The following ANLN variants were observed in gnomAD, a reference collection of about 807,000 sequenced individuals.
ANLN encodes anillin.
ANLN carries 59 observed loss-of-function variants against 135.1 expected under a neutral mutation model. The ratio of observed to expected loss-of-function variants is 0.44; its 90% CI spans 0.35 to 0.54. ANLN has a LOEUF of 0.54. ANLN is among the 20% of genes least tolerant of loss of function. The probability of loss-of-function intolerance (pLI) is 0.00; values close to 1 mark genes in which losing one functional copy is unlikely to be tolerated. For synonymous variants in ANLN, 406 were observed against 456.4 expected (o/e 0.89, Z 1.41); for missense variants, 1,182 against 1,340.0 (o/e 0.88, Z 1.84).
chr7:36,437,007 T>C (rs1433372993), intron 20 of ANLN, among the ~76,000 whole-genome samples: 1 of 152,202 alleles, frequency 6.6e-6, no homozygotes, highest in Non-Finnish European at 1.5e-5. Context: ...TAATACATGG[T>C]ATTTATCTTT....
intron 23 of ANLN, 72 bp from the exon 24 acceptor site, chr7:36,452,405 C>G (rs1008362891): frequency 1.3e-6 from 2 of 1,569,716 alleles, no homozygotes; most frequent in South Asian, 2.3e-5. Flanking sequence ...ATTTTTTTCC[C>G]TAGCAAGAGT....
intron 17 of ANLN, among the ~76,000 whole-genome samples, 174 bp downstream of exon 17, chr7:36,424,916 T>C (rs981806640): frequency 6.6e-6 from 1 of 152,192 alleles, no homozygotes; most frequent in Non-Finnish European, 1.5e-5. Context: ...AAACTGTGAG[T>C]GATCATGATT....
At chr7:36,423,586 A>G (rs986630956) in intron 14 of ANLN, among the ~76,000 whole-genome samples, 2 of 152,132 alleles carry the variant, frequency 1.3e-5, no homozygotes, top group African/African-American at 4.8e-5. Flanking sequence ...GAGTGAAATT[A>G]TTTCAATTTA....
In ANLN at chr7:36,451,059, G is replaced by A. The variant is rs1163100618; in HGVS notation, c.3251+1222G>A. Among the ~76,000 whole-genome samples, 5 of 152,268 alleles carry A rather than the reference G, an allele frequency of 3.3e-5. No individual in the cohort carries two copies. The East Asian group carries it at 9.6e-4, about 29-fold the overall frequency. On this transcript the variant is annotated intron_variant, in intron 23 of 23. Coordinates refer to ENST00000265748, the MANE Select transcript of ANLN (RefSeq NM_018685.5). ...CCCTTCGCCCAAGCATATGAGAGTAGTACATTCTCAATTCAGTCTTGGCTG... is the reference window on the plus strand; with the variant it reads ...CCCTTCGCCCAAGCATATGAGAGTAATACATTCTCAATTCAGTCTTGGCTG...
Position 36,396,113 on chromosome 7 carries a change from T to C in ANLN, c.19-153T>C, listed in dbSNP as rs79086052. ...AATAGTTATGACATTGGGGTACTCA[T>C]TTAGTGAATCTTGACATAATTGCTT... is the stretch of plus-strand genomic sequence containing the variant. On this transcript the variant is annotated intron_variant, in intron 1 of 23. Coordinates refer to ENST00000265748, the MANE Select transcript of ANLN (RefSeq NM_018685.5). Among the ~76,000 whole-genome samples the C allele has an allele frequency of 8.7e-3, 1,332 of 152,344 alleles. 21 individuals are homozygous for C. The highest frequency in any genetic ancestry group is 0.03 in the African/African-American group (1,237 of 41,576).
At chr7:36,415,423 T>C (rs1787599001) in intron 7 of ANLN, among the ~76,000 whole-genome samples, 1 of 152,046 alleles carries the variant, frequency 6.6e-6, no homozygotes, top group Non-Finnish European at 1.5e-5. Flanking sequence ...TTATTTTATT[T>C]TATTTTATTC....
chr7:36,417,430 G>A (rs370327673), intron 9 of ANLN, among the ~76,000 whole-genome samples: 7 of 152,198 alleles, frequency 4.6e-5, no homozygotes, highest in East Asian at 1.9e-4. Context: ...GCCCTCCCAC[G>A]CTCTGTACTG....
chr7:36,449,691 T>G lies in ANLN; in HGVS notation c.3105T>G (p.Ala1035=). Residue 1035 remains alanine (A), a synonymous_variant, in exon 23 of 24, where the codon GCT becomes GCG. Coordinates refer to ENST00000265748, the MANE Select transcript of ANLN (RefSeq NM_018685.5). The part of the protein sequence containing the change: ...RKNPIGRINL[A]NCTSRQIEPA... ...ATCCCATAGGAAGGATAAATCTGGC[T>G]AATTGTACCAGTCGTCAGATAGAAC... The G allele has an allele frequency of 6.2e-7, 1 of 1,613,636 alleles. No homozygotes were observed. Among genetic ancestry groups the G allele is most frequent in the Non-Finnish European group, 8.5e-7 (1 of 1,179,760 alleles).
intron 22 of ANLN, among the ~76,000 whole-genome samples, 153 bp downstream of exon 22, chr7:36,444,015 C>G (rs550689009): frequency 1.2e-4 from 19 of 152,314 alleles, no homozygotes; most frequent in Middle Eastern, 3.4e-3. Flanking sequence ...GTTGGCCAGG[C>G]GCAGTGGCTT....
chr7:36,444,061 G>A (rs1031899450), intron 22 of ANLN, among the ~76,000 whole-genome samples, 199 bp downstream of exon 22: 6 of 152,286 alleles, frequency 3.9e-5, no homozygotes, highest in South Asian at 4.1e-4. Flanking sequence ...AGGCCAAGGC[G>A]GGCAGATCAC....
chr7:36,398,927 G>A, intron 2 of ANLN, 152 bp from the exon 3 acceptor site: 2 of 609,762 alleles, frequency 3.3e-6, no homozygotes, highest in Non-Finnish European at 5.8e-6. Flanking sequence ...TGCTGAAAGA[G>A]AATGGGGTTT....
At chr7:36,424,002 A>T in intron 15 of ANLN, 59 bp downstream of exon 15, 1 of 1,514,634 alleles carries the variant, frequency 6.6e-7, no homozygotes, top group South Asian at 1.3e-5. Context: ...GAGTTGATAC[A>T]GTCTAAAGCA....
intron 7 of ANLN, 132 bp from the exon 8 acceptor site, chr7:36,415,626 C>A: frequency 1.0e-6 from 1 of 1,000,602 alleles, no homozygotes; most frequent in Non-Finnish European, 1.4e-6. Flanking sequence ...TATTCACATA[C>A]ACTATCTCTT....
In ANLN at chr7:36,453,296, T is replaced by C. The variant is rs1482456911; in HGVS notation, c.*696T>C. Reference sequence around the variant, plus strand: ...TGCACATTTTCACAGAATTCTGGCTTCATTAAGATCATTATTTTTGCTGCG... The same window carrying C: ...TGCACATTTTCACAGAATTCTGGCTCCATTAAGATCATTATTTTTGCTGCG... On this transcript the variant is annotated 3_prime_UTR_variant, in exon 24 of 24. Coordinates refer to ENST00000265748, the MANE Select transcript of ANLN (RefSeq NM_018685.5). 6.6e-6 allele frequency: 1 copy of C among 152,180 alleles called. No homozygotes were observed. The highest frequency in any genetic ancestry group is 2.4e-5 in the African/African-American group (1 of 41,428). The allele number at this position is 152,180 out of a possible 1,614,324, so 9.4% of individuals were successfully genotyped here. A position where few individuals can be genotyped will look rare whatever the true frequency, so the allele number is the denominator to read the frequency against.
chr7:36,437,503 A>G (rs1788592815), intron 20 of ANLN, among the ~76,000 whole-genome samples: 1 of 152,202 alleles, frequency 6.6e-6, no homozygotes, highest in Non-Finnish European at 1.5e-5. Context: ...GTGAGAGTGC[A>G]GATAGCACTT....
At chr7:36,414,965 A>G (rs1562798178) in intron 7 of ANLN, among the ~76,000 whole-genome samples, 1 of 152,312 alleles carries the variant, frequency 6.6e-6, no homozygotes, top group South Asian at 2.1e-4. Context: ...AGGTGAGGCA[A>G]TAGATATAAG....
At chr7:36,419,980 G>C (rs1282495463) in intron 10 of ANLN, among the ~76,000 whole-genome samples, 189 bp from the exon 11 acceptor site, 1 of 152,020 alleles carries the variant, frequency 6.6e-6, no homozygotes, top group Non-Finnish European at 1.5e-5. Flanking sequence ...TGAAGTATAA[G>C]TTTCAGCTGT....
At position 36,443,743 on chromosome 7, in the gene ANLN, T is replaced by G. The variant is rs6954957; in HGVS notation, c.2971-12T>G. 20,213 of 1,595,308 alleles carry G rather than the reference T, an allele frequency of 0.013. 150 individuals carry two copies. Among genetic ancestry groups the G allele is most frequent in the Middle Eastern group, 0.032 (193 of 6,042 alleles). On this transcript the variant is annotated splice_polypyrimidine_tract_variant and intron_variant, in intron 21 of 23. Transcript: ENST00000265748. ...AACTTTCTAAAGCCAGCATTTCAAC[T>G]GACTTTTCCAGACCATATTTGAAGA... is the stretch of plus-strand genomic sequence containing the variant.
At chr7:36,450,914 T>C (rs1319358288) in intron 23 of ANLN, among the ~76,000 whole-genome samples, 1 of 152,196 alleles carries the variant, frequency 6.6e-6, no homozygotes, top group Non-Finnish European at 1.5e-5. Flanking sequence ...GTAAACTCTC[T>C]TAGACTTCTC....
Sources: allele counts gnomAD v4.1 joint callset (sites outside exome capture counted in the v4.1 genomes callset), GRCh38; gene constraint gnomAD v4.1.1; transcripts MANE v1.5; gene names NCBI Gene and HGNC (gene_info 2026-07-23, HGNC 2026-07-21).